SLC35D4: variants seen among roughly 807,000 people sequenced by gnomAD.
The protein encoded by SLC35D4 is solute carrier family 35 member D4, also known as UDP-N-acetylglucosamine transporter SLC35D4.
the SLC35D4 span, among the ~76,000 whole-genome samples, chr18:23,282,141 A>G: frequency 6.6e-6 from 1 of 152,230 alleles, no homozygotes; most frequent in African/African-American, 2.4e-5. Flanking sequence ...AGGCTCAATC[A>G]GGGCACGAAG....
the SLC35D4 span, among the ~76,000 whole-genome samples, chr18:23,341,919 GAAGAA>G: frequency 8.6e-5 from 13 of 151,394 alleles, no homozygotes; most frequent in South Asian, 2.7e-3. Flanking sequence ...CAGAATTTAA[GAAGAA>G]AAGAAAAATA....
chr18:23,340,314 G>C, the SLC35D4 span, among the ~76,000 whole-genome samples: 2 of 151,952 alleles, frequency 1.3e-5, no homozygotes, highest in Non-Finnish European at 2.9e-5. Flanking sequence ...TGGCCTGGGT[G>C]ATAGAGAGAT....
the SLC35D4 span, among the ~76,000 whole-genome samples, chr18:23,256,714 A>G: frequency 6.6e-6 from 1 of 151,944 alleles, no homozygotes; most frequent in East Asian, 1.9e-4. Flanking sequence ...CAAACTCCCG[A>G]CCTCAAGTGA....
chr18:23,243,889 A>C, the SLC35D4 span, among the ~76,000 whole-genome samples: 1 of 151,968 alleles, frequency 6.6e-6, no homozygotes, highest in Non-Finnish European at 1.5e-5. Context: ...AAAAAAAAAA[A>C]ACTAATACAA....
At chr18:23,276,632 C>T in the SLC35D4 span, among the ~76,000 whole-genome samples, 1 of 152,270 alleles carries the variant, frequency 6.6e-6, no homozygotes, top group African/African-American at 2.4e-5. Context: ...CACCCATATG[C>T]ACTTGAAGTT....
chr18:23,255,176 T>C, the SLC35D4 span, among the ~76,000 whole-genome samples: 1 of 152,010 alleles, frequency 6.6e-6, no homozygotes, highest in Non-Finnish European at 1.5e-5. Context: ...TCTGGATTGG[T>C]TGGTTTGCAT....
chr18:23,422,822 C>G, the SLC35D4 span, among the ~76,000 whole-genome samples: 7 of 152,264 alleles, frequency 4.6e-5, no homozygotes, highest in South Asian at 6.2e-4. Context: ...CCTCCCCCCC[C>G]CAATGCAGAA....
chr18:23,300,277 A>T, the SLC35D4 span, among the ~76,000 whole-genome samples: 1 of 152,142 alleles, frequency 6.6e-6, no homozygotes, highest in African/African-American at 2.4e-5. Flanking sequence ...CTTCAAGAGC[A>T]TGTATGCCAC....
the SLC35D4 span, among the ~76,000 whole-genome samples, chr18:23,240,204 G>A: frequency 2.0e-5 from 3 of 152,168 alleles, no homozygotes; most frequent in African/African-American, 7.2e-5. Flanking sequence ...AGACTTCCCC[G>A]AGGAATGGCA....
the SLC35D4 span, among the ~76,000 whole-genome samples, chr18:23,342,928 CT>C: frequency 1.3e-3 from 189 of 147,206 alleles, no homozygotes; most frequent in African/African-American, 3.2e-3. Flanking sequence ...TCAACATTAT[CT>C]TTTTTTTTTT....
At chr18:23,372,907 G>A in the SLC35D4 span, among the ~76,000 whole-genome samples, 2 of 146,528 alleles carry the variant, frequency 1.4e-5, no homozygotes, top group African/African-American at 5.0e-5. Context: ...GAAAAGGAGG[G>A]AGAAAAAAAG....
the SLC35D4 span, among the ~76,000 whole-genome samples, chr18:23,355,923 C>T: frequency 6.6e-6 from 1 of 152,110 alleles, no homozygotes; most frequent in Non-Finnish European, 1.5e-5. Context: ...ATGCTTTGGA[C>T]CTATCTACAT....
chr18:23,402,234 G>A, the SLC35D4 span, among the ~76,000 whole-genome samples: 1 of 152,190 alleles, frequency 6.6e-6, no homozygotes, highest in Non-Finnish European at 1.5e-5. Flanking sequence ...GACAAAACAG[G>A]TGTGGGCAAG....
chr18:23,246,553 G>C, the SLC35D4 span, among the ~76,000 whole-genome samples: 6 of 151,698 alleles, frequency 4.0e-5, no homozygotes, highest in East Asian at 1.2e-3. Flanking sequence ...CACCACACCC[G>C]GCTAATTTTT....
At chr18:23,254,528 A>G in the SLC35D4 span, among the ~76,000 whole-genome samples, 1 of 152,258 alleles carries the variant, frequency 6.6e-6, no homozygotes, top group African/African-American at 2.4e-5. Flanking sequence ...AGTTTGTTAC[A>G]GTTCCCAAGA....
At chr18:23,245,071 C>T in the SLC35D4 span, among the ~76,000 whole-genome samples, 1 of 152,188 alleles carries the variant, frequency 6.6e-6, no homozygotes, top group Non-Finnish European at 1.5e-5. Flanking sequence ...GTGTACCTCC[C>T]ATCCCCTCCC....
chr18:23,308,082 GAGGAAATTAGCAAGGCGAC>G, the SLC35D4 span, among the ~76,000 whole-genome samples: 1 of 152,248 alleles, frequency 6.6e-6, no homozygotes, highest in Admixed American at 6.5e-5. Flanking sequence ...AACTGTCAGG[GAGGAAATTAGCAAGGCGAC>G]AGGAAAAAGC....
the SLC35D4 span, among the ~76,000 whole-genome samples, chr18:23,406,561 A>G: frequency 2.0e-5 from 3 of 152,336 alleles, no homozygotes; most frequent in South Asian, 2.1e-4. Flanking sequence ...AATCACAGTC[A>G]ACCAAACAAC....
At chr18:23,330,163 T>G in the SLC35D4 span, among the ~76,000 whole-genome samples, 2 of 152,052 alleles carry the variant, frequency 1.3e-5, no homozygotes, top group Admixed American at 1.3e-4. Context: ...GATTTGCATG[T>G]TGCGCACATG....
Sources: allele counts gnomAD v4.1 joint callset (sites outside exome capture counted in the v4.1 genomes callset), GRCh38; gene constraint gnomAD v4.1.1; transcripts MANE v1.5; gene names NCBI Gene and HGNC (gene_info 2026-07-23, HGNC 2026-07-21).